Variants in CLIP2 observed in about 807,000 individuals in gnomAD.
The protein encoded by CLIP2 is CAP-Gly domain-containing linker protein 2.
In CLIP2, 41 loss-of-function variants were observed where a neutral mutation model predicts 111.7. The ratio of observed to expected loss-of-function variants is 0.37; its 90% CI spans 0.29 to 0.48. CLIP2 has a LOEUF of 0.48. Ranked by LOEUF, CLIP2 falls within the 20% of genes least tolerant of loss-of-function variation. The pLI, the probability that CLIP2 is intolerant of heterozygous loss-of-function variation, is 0.99. For missense variants in CLIP2, 1,160 were observed against 1,422.1 expected, an observed-to-expected ratio of 0.82 and a Z score of 2.96; for synonymous variants, 660 against 644.2, an observed-to-expected ratio of 1.02 and a Z score of -0.37.
intron 13 of CLIP2, among the ~76,000 whole-genome samples, chr7:74,390,181 G>GA (rs1371523312): frequency 1.2e-5 from 1 of 86,590 alleles, no homozygotes; most frequent in African/African-American, 4.2e-5. Context: ...AAGAAAGAAA[G>GA]AAAGAAAGAA....
intron 3 of CLIP2, 145 bp from the exon 4 acceptor site, chr7:74,353,735 T>C (rs504854): frequency 0.68 from 710,850 of 1,040,812 alleles, 247,801 homozygotes; most frequent in Non-Finnish European, 0.73. Context: ...CAATCATCCT[T>C]AGGTGTCTCT....
Position 74,376,578 on chromosome 7 carries a change from G to GGGATGCC in CLIP2, c.2179_2185dup (p.Glu729GlyfsTer65). 1 of 1,610,776 alleles carries GGGATGCC rather than the reference G, an allele frequency of 6.2e-7. No homozygotes were observed. The highest frequency in any genetic ancestry group is 8.5e-7 in the Non-Finnish European group (1 of 1,178,956). On this transcript the variant is annotated frameshift_variant, in exon 10 of 17. Transcript: ENST00000223398. LOFTEE classifies it high-confidence loss of function. This position sits in a 1 kb window ranked among gnomAD's most constrained non-coding sequence, Gnocchi z 7.1. ...CTGCAGGAGGCCCAGGACCAGCGCC[G>GGGATGCC]GGATGCCGAGCTGCGTGTGCACGAG...
intron 3 of CLIP2, among the ~76,000 whole-genome samples, chr7:74,345,337 C>T (rs565988431): frequency 6.6e-6 from 1 of 152,056 alleles, no homozygotes; most frequent in South Asian, 2.1e-4. Context: ...CAGGTTCAAG[C>T]GATTCTCGTG....
intron 2 of CLIP2, among the ~76,000 whole-genome samples, chr7:74,335,751 CTTTTTTTTT>C (rs531612418): frequency 9.1e-6 from 1 of 110,232 alleles, no homozygotes; most frequent in Non-Finnish European, 2.0e-5. Flanking sequence ...TCTTTCTTTT[CTTTTTTTTT>C]TTGATGGAGT....
At chr7:74,308,243 G>A (rs1207969748) in intron 1 of CLIP2, among the ~76,000 whole-genome samples, 8 of 152,172 alleles carry the variant, frequency 5.3e-5, no homozygotes, top group Admixed American at 1.3e-4. Flanking sequence ...GGGTGGTAAG[G>A]ACTGCAGGGT....
chr7:74,399,107 C>CTGGGCAGTGCTGAAGGAGGGAGTT (rs1791540585), intron 14 of CLIP2, among the ~76,000 whole-genome samples: 1 of 149,682 alleles, frequency 6.7e-6, no homozygotes, highest in African/African-American at 2.5e-5. Flanking sequence ...GCAGGCAGGA[C>CTGGGCAGTGCTGAAGGAGGGAGTT]TGGGCAGTGC....
chr7:74,400,315 C>G, intron 14 of CLIP2, 55 bp from the exon 15 acceptor site: 1 of 1,445,174 alleles, frequency 6.9e-7, no homozygotes, highest in Non-Finnish European at 9.4e-7. Flanking sequence ...GTTGAGACGC[C>G]CACCAACACA....
intron 10 of CLIP2, 96 bp from the exon 11 acceptor site, chr7:74,380,710 T>C: frequency 2.1e-6 from 2 of 948,640 alleles, no homozygotes; most frequent in Non-Finnish European, 3.2e-6. Flanking sequence ...TTTGTAGGAG[T>C]AGGGTGTGCA....
intron 5 of CLIP2, 84 bp downstream of exon 5, chr7:74,356,707 C>A: frequency 7.8e-7 from 1 of 1,275,688 alleles, no homozygotes; most frequent in Non-Finnish European, 1.1e-6. Context: ...TTCTGGTCTG[C>A]CCCTGACTTA....
chr7:74,299,130 G>A (rs1788251801), intron 1 of CLIP2, among the ~76,000 whole-genome samples: 1 of 152,022 alleles, frequency 6.6e-6, no homozygotes, highest in Admixed American at 6.6e-5. Context: ...CCAGGAGTTG[G>A]AGACCAGCCT....
intron 16 of CLIP2, 96 bp downstream of exon 16, chr7:74,401,663 C>G (rs1791624767): frequency 7.9e-7 from 1 of 1,266,158 alleles, no homozygotes; most frequent in African/African-American, 1.5e-5. Flanking sequence ...CACAAAGATG[C>G]ATTCTGCAAG....
intron 3 of CLIP2, among the ~76,000 whole-genome samples, chr7:74,346,861 C>T (rs1554306429): frequency 1.3e-5 from 2 of 151,914 alleles, no homozygotes; most frequent in Admixed American, 1.3e-4. Context: ...GAGTGAGACC[C>T]TGTCTCTACA....
chr7:74,295,984 G>A (rs1165344739), intron 1 of CLIP2, among the ~76,000 whole-genome samples: 2 of 105,912 alleles, frequency 1.9e-5, no homozygotes, highest in African/African-American at 9.3e-5. Flanking sequence ...GTGAAACCCT[G>A]TCTCCAAAAA....
At chr7:74,296,247 G>T (rs116656781) in intron 1 of CLIP2, among the ~76,000 whole-genome samples, 1,677 of 152,038 alleles carry the variant, frequency 0.011, 36 homozygotes, top group African/African-American at 0.038. Flanking sequence ...CAAGCCTCAC[G>T]TCTGTAATCC....
chr7:74,291,923 CT>C (rs782577666), intron 1 of CLIP2, among the ~76,000 whole-genome samples: 7,867 of 132,786 alleles, frequency 0.059, 318 homozygotes, highest in East Asian at 0.28. Context: ...ATCCTGCCCT[CT>C]TTTTTTTTTT....
intron 11 of CLIP2, among the ~76,000 whole-genome samples, chr7:74,382,146 C>T (rs1206265797): frequency 2.0e-5 from 3 of 151,834 alleles, no homozygotes; most frequent in South Asian, 2.1e-4. Context: ...TGCAATGATG[C>T]GATCTCAGTT....
chr7:74,386,518 T>C lies in CLIP2; in HGVS notation c.2480-3T>C, dbSNP rs781803445. Reference sequence around the variant, plus strand: ...TGCTTCTCGTCTCTCCTCTCTCCCCTAGGCCTGCAGGACAAGCTGAACAAG... The same window carrying C: ...TGCTTCTCGTCTCTCCTCTCTCCCCCAGGCCTGCAGGACAAGCTGAACAAG... On this transcript the variant is annotated splice_region_variant and splice_polypyrimidine_tract_variant and intron_variant, in intron 11 of 16. Coordinates refer to ENST00000223398, the MANE Select transcript of CLIP2 (RefSeq NM_003388.5). 2 of 1,611,452 alleles carry C rather than the reference T, an allele frequency of 1.2e-6. No homozygotes were observed. Among genetic ancestry groups the C allele is most frequent in the Non-Finnish European group, 1.7e-6 (2 of 1,178,646 alleles).
chr7:74,391,439 T>C (rs1791290080), intron 13 of CLIP2, among the ~76,000 whole-genome samples: 1 of 152,186 alleles, frequency 6.6e-6, no homozygotes, highest in African/African-American at 2.4e-5. Flanking sequence ...CAGAACACAC[T>C]TTAGCATCCA....
At position 74,304,956 on chromosome 7, in the gene CLIP2, A is replaced by G. The variant is rs571585876; in HGVS notation, c.-67-12524A>G. Among the ~76,000 whole-genome samples, 28 of 151,462 alleles carry G rather than the reference A, an allele frequency of 1.8e-4. No individual in the cohort carries two copies. The East Asian group carries it at 3.2e-3, about 17-fold the overall frequency. On this transcript the variant is annotated intron_variant, in intron 1 of 16. Coordinates refer to ENST00000223398, the MANE Select transcript of CLIP2 (RefSeq NM_003388.5). ...GGAGACCCTGTCTCCAAAAATAAAT[A>G]AATGAATGAATGAATAAATAAATAA... is the stretch of plus-strand genomic sequence containing the variant.
Sources: gnomAD v4.1 joint callset for allele counts (sites outside exome capture counted in the v4.1 genomes callset) on GRCh38, gnomAD v4.1.1 for gene constraint, Gnocchi (gnomAD v3.1) non-coding constraint, MANE v1.5 for transcripts, NCBI Gene and HGNC (gene_info 2026-07-23, HGNC 2026-07-21) for gene names.